Variants in ZNF654 observed in about 807,000 individuals in gnomAD.
ZNF654 encodes melanoma-associated antigen.
ZNF654 carries 19 observed loss-of-function variants against 95.3 expected under a neutral mutation model. The ratio of observed to expected loss-of-function variants is 0.20; its 90% confidence interval spans 0.14 to 0.29. The LOEUF (loss-of-function observed/expected upper bound fraction) is 0.29. Among genes scored for constraint, ZNF654 ranks in the 10% least tolerant of loss-of-function variants. The pLI is 1.00. For synonymous variants in ZNF654, 413 were observed against 457.9 expected (o/e 0.90, Z 1.25); for missense variants, 1,046 against 1,341.0 (o/e 0.78, Z 3.44).
chr3:88,091,581 G>A (rs947824062), intron 2 of ZNF654, among the ~76,000 whole-genome samples: 1 of 152,100 alleles, frequency 6.6e-6, no homozygotes, highest in Admixed American at 6.6e-5. Flanking sequence ...TTGCCTGCTA[G>A]CTGATATGGT....
At chr3:88,085,044 A>G (rs1331863694) in intron 1 of ZNF654, among the ~76,000 whole-genome samples, 1 of 152,216 alleles carries the variant, frequency 6.6e-6, no homozygotes, top group Admixed American at 6.5e-5. Context: ...GCTTCCTATA[A>G]ATATCTTTGA....
intron 7 of ZNF654, among the ~76,000 whole-genome samples, chr3:88,137,763 TAA>T (rs1179392944): frequency 6.6e-6 from 1 of 152,072 alleles, no homozygotes; most frequent in African/African-American, 2.4e-5. Flanking sequence ...TGTGCCAAGT[TAA>T]AGTCTGCCTG....
At position 88,135,176 on chromosome 3, in the gene ZNF654, C is replaced by T. The variant is rs1213865947; in HGVS notation, c.1009C>T (p.Pro337Ser). ...AGCAACTAATGTGAGAGTCATATTT[C>T]CTTTCATGAAAATCATCAAAGATGA... ...RTATNVRVIF[P>S]FMKIIKDEVE... is the part of the protein sequence containing the mutation. Residue 337 changes from proline (P) to serine (S), a missense_variant, in exon 7 of 9, where the codon CCT becomes TCT. Physicochemically the swap from Pro to Ser is moderately conservative, Grantham distance 74. Around this residue, in one of 9 missense-constraint regions of ZNF654, gnomAD observed 121 missense variants for 141.7 expected, o/e 0.85. Coordinates refer to ENST00000636215, the MANE Select transcript of ZNF654 (RefSeq NM_001350134.2). 1 of 1,478,710 alleles carries T rather than the reference C, an allele frequency of 6.8e-7. No homozygotes were observed. The highest frequency in any genetic ancestry group is 8.9e-7 in the Non-Finnish European group (1 of 1,121,062). 91.6% of individuals were successfully genotyped at this position (1,478,710 alleles called of 1,614,324 possible).
In ZNF654 at chr3:88,140,629, C is replaced by T. The variant is rs1187227591; in HGVS notation, c.2960C>T (p.Pro987Leu). ...VNGHSEIEQT[P>L]LVSSDPALKI... is the part of the protein sequence containing the mutation. ...GGACACAGTGAAATAGAGCAAACACCTTTAGTTTCATCAGATCCTGCTTTG... is the reference window on the plus strand; with the variant it reads ...GGACACAGTGAAATAGAGCAAACACTTTTAGTTTCATCAGATCCTGCTTTG... The change falls in exon 8 of 9, where the codon CCT becomes CTT. Residue 987 changes from proline to leucine, a missense_variant. Around this residue, in one of 9 missense-constraint regions of ZNF654, gnomAD observed 495 missense variants for 537.0 expected, o/e 0.92. Transcript: ENST00000636215. The T allele has an allele frequency of 1.9e-6, 3 of 1,613,640 alleles. No homozygotes were observed. The highest frequency in any genetic ancestry group is 1.6e-4 in the Middle Eastern group (1 of 6,062).
At chr3:88,079,891 T>G (rs1463409809) in intron 1 of ZNF654, among the ~76,000 whole-genome samples, 2 of 152,082 alleles carry the variant, frequency 1.3e-5, no homozygotes, top group African/African-American at 4.8e-5. Context: ...TACTGTAGAT[T>G]ATGTTCTTTG....
intron 3 of ZNF654, among the ~76,000 whole-genome samples, chr3:88,116,612 T>TG (rs764311596): frequency 1.3e-4 from 20 of 149,816 alleles, no homozygotes; most frequent in Admixed American, 5.3e-4. Context: ...TGTATATATG[T>TG]TGTGTGTGTG....
chr3:88,105,377 A>T (rs1198879407), intron 2 of ZNF654, among the ~76,000 whole-genome samples: 1 of 152,160 alleles, frequency 6.6e-6, no homozygotes. Flanking sequence ...GTATTCTGTG[A>T]ATTCTATGAA....
intron 3 of ZNF654, among the ~76,000 whole-genome samples, chr3:88,120,852 C>T (rs1166681652): frequency 6.6e-6 from 1 of 152,008 alleles, no homozygotes; most frequent in African/African-American, 2.4e-5. Context: ...TTCAAAATTA[C>T]TGTATCACAG....
chr3:88,139,101 A>G lies in ZNF654; in HGVS notation c.1432A>G (p.Thr478Ala). ...KSAVRFLNESTLENNAGNLKR... is the reference protein window; with the variant it reads ...KSAVRFLNESALENNAGNLKR... ...AGCAGTTAGATTTCTAAATGAAAGC[A>G]CACTGGAAAATAATGCAGGTAATCT... Residue 478 changes from threonine to alanine, a missense_variant, in exon 8 of 9, where the codon ACA (threonine) becomes GCA (alanine). Around this residue, in one of 9 missense-constraint regions of ZNF654, gnomAD observed 100 missense variants for 108.9 expected, o/e 0.92. Coordinates refer to ENST00000636215, the MANE Select transcript of ZNF654 (RefSeq NM_001350134.2). 2 of 1,264,512 alleles carry G rather than the reference A, an allele frequency of 1.6e-6. No individual in the cohort carries two copies. The highest frequency in any genetic ancestry group is 2.0e-6 in the Non-Finnish European group (2 of 1,005,742). The allele number at this position is 1,264,512 out of a possible 1,614,324, so 78.3% of individuals were successfully genotyped here.
At chr3:88,085,339 T>C (rs1361192820) in intron 1 of ZNF654, among the ~76,000 whole-genome samples, 1 of 152,256 alleles carries the variant, frequency 6.6e-6, no homozygotes, top group Admixed American at 6.5e-5. Context: ...AATACATAAA[T>C]GGATGAACCT....
At chr3:88,105,697 T>A (rs530198789) in intron 2 of ZNF654, among the ~76,000 whole-genome samples, 227 of 152,296 alleles carry the variant, frequency 1.5e-3, no homozygotes, top group Non-Finnish European at 1.3e-3. Flanking sequence ...ATCTTCTGAT[T>A]TTTTTTGACT....
chr3:88,063,373 G>T (rs908650173), intron 1 of ZNF654, among the ~76,000 whole-genome samples: 2 of 152,184 alleles, frequency 1.3e-5, no homozygotes, highest in African/African-American at 4.8e-5. Context: ...ACGACTGTGG[G>T]CCAGGCACTG....
intron 2 of ZNF654, among the ~76,000 whole-genome samples, chr3:88,107,213 G>A (rs1316267287): frequency 6.6e-6 from 1 of 152,128 alleles, no homozygotes; most frequent in Non-Finnish European, 1.5e-5. Flanking sequence ...CCAGTAAAAT[G>A]GCATTGGAAC....
At chr3:88,062,064 A>G (rs1706917290) in intron 1 of ZNF654, among the ~76,000 whole-genome samples, 1 of 152,218 alleles carries the variant, frequency 6.6e-6, no homozygotes, top group South Asian at 2.1e-4. Context: ...AAAGTAAAAC[A>G]GAAGATACAG....
intron 2 of ZNF654, among the ~76,000 whole-genome samples, chr3:88,112,826 T>C (rs1443320004): frequency 6.6e-6 from 1 of 152,082 alleles, no homozygotes; most frequent in Admixed American, 6.6e-5. Context: ...TGTTGTGACC[T>C]TGTATGCCAT....
rs1227746639 is a variant in ZNF654, at chr3:88,077,420, G to A, written c.187-8837G>A. 4.0e-5 allele frequency among the ~76,000 whole-genome samples: 6 copies of A among 149,614 alleles called. 1 individual carries two copies. The highest frequency in any genetic ancestry group is 8.9e-5 in the Non-Finnish European group (6 of 67,728). ...GCGATCTCGGCTCACTGCAAGCTCC[G>A]CCGCCGGGTTCACTCCACTCTCCTG... On this transcript the variant is annotated intron_variant, in intron 1 of 8. Transcript: ENST00000636215.
chr3:88,112,748 C>T (rs775581192), intron 2 of ZNF654, among the ~76,000 whole-genome samples: 3 of 151,844 alleles, frequency 2.0e-5, no homozygotes, highest in Non-Finnish European at 4.4e-5. Flanking sequence ...TCTCTGGAGT[C>T]CCATTATATT....
chr3:88,079,764 C>T (rs1392931450), intron 1 of ZNF654, among the ~76,000 whole-genome samples: 1 of 152,020 alleles, frequency 6.6e-6, no homozygotes, highest in African/African-American at 2.4e-5. Context: ...TGTCTTATTA[C>T]ATTTACAGAA....
intron 1 of ZNF654, among the ~76,000 whole-genome samples, chr3:88,079,597 A>T (rs1707978842): frequency 6.6e-6 from 1 of 152,174 alleles, no homozygotes; most frequent in African/African-American, 2.4e-5. Context: ...AACAGTATTC[A>T]TGTTGGTTAA....
Sources: allele counts gnomAD v4.1 joint callset (sites outside exome capture counted in the v4.1 genomes callset), GRCh38; gene constraint gnomAD v4.1.1; regional missense constraint gnomAD v4.1.1; transcripts MANE v1.5; gene names NCBI Gene and HGNC (gene_info 2026-07-23, HGNC 2026-07-21).